Variants in NKAIN2 observed in about 807,000 individuals in gnomAD.
NKAIN2 encodes the protein sodium/potassium-transporting ATPase subunit beta-1-interacting protein 2.
In NKAIN2, 14 loss-of-function variants were observed where a neutral mutation model predicts 32.6. The observed-to-expected ratio is 0.43, with a 90% CI of 0.28 to 0.67. NKAIN2 has a LOEUF of 0.67. Ranked by LOEUF, NKAIN2 falls within the 30% of genes least tolerant of loss-of-function variation. The pLI, the probability that NKAIN2 is intolerant of heterozygous loss-of-function variation, is 0.17. For synonymous variants in NKAIN2, 80 were observed against 87.2 expected, an observed-to-expected ratio of 0.92 and a Z score of 0.46; for missense variants, 198 against 258.3, an observed-to-expected ratio of 0.77 and a Z score of 1.60.
chr6:124,261,757 G>A (rs1360900437), intron 1 of NKAIN2, among the ~76,000 whole-genome samples: 1 of 151,948 alleles, frequency 6.6e-6, no homozygotes, highest in Non-Finnish European at 1.5e-5. Context: ...CTACTCGGGA[G>A]GCTGAGGCAG....
At chr6:124,433,909 G>T (rs957981153) in intron 3 of NKAIN2, among the ~76,000 whole-genome samples, 1 of 152,130 alleles carries the variant, frequency 6.6e-6, no homozygotes, top group South Asian at 2.1e-4. Context: ...CCGGCTGGTG[G>T]TATATTCCTC....
chr6:124,309,686 C>A (rs1410609404), intron 2 of NKAIN2, among the ~76,000 whole-genome samples: 1 of 152,100 alleles, frequency 6.6e-6, no homozygotes, highest in African/African-American at 2.4e-5. Context: ...TTTGTCATCT[C>A]AATTGTAAGT....
intron 2 of NKAIN2, among the ~76,000 whole-genome samples, chr6:124,333,736 A>G (rs1189771428): frequency 1.3e-5 from 2 of 152,168 alleles, no homozygotes; most frequent in African/African-American, 4.8e-5. Flanking sequence ...ATTTTCAAGA[A>G]CACACTTTGT....
intron 1 of NKAIN2, among the ~76,000 whole-genome samples, chr6:124,073,810 C>A (rs1022031448): frequency 6.6e-6 from 1 of 152,076 alleles, no homozygotes; most frequent in African/African-American, 2.4e-5. Flanking sequence ...TGCTCCCCCA[C>A]CCCCACCGGG....
At chr6:124,182,856 A>G (rs981597493) in intron 1 of NKAIN2, among the ~76,000 whole-genome samples, 1 of 152,186 alleles carries the variant, frequency 6.6e-6, no homozygotes, top group African/African-American at 2.4e-5. Context: ...ATAGGCAAAC[A>G]TACAGATGAG....
chr6:124,460,002 T>C (rs1469641411), intron 3 of NKAIN2, among the ~76,000 whole-genome samples: 1 of 151,726 alleles, frequency 6.6e-6, no homozygotes, highest in African/African-American at 2.4e-5. Context: ...TAATTCTCTT[T>C]ACTGTTTCAG....
intron 1 of NKAIN2, among the ~76,000 whole-genome samples, chr6:123,899,103 C>T (rs1774433291): frequency 6.6e-6 from 1 of 152,210 alleles, no homozygotes; most frequent in South Asian, 2.1e-4. Flanking sequence ...ATGAATAAAT[C>T]TGTATCTGTA....
chr6:124,462,838 A>G (rs1486240471), intron 3 of NKAIN2, among the ~76,000 whole-genome samples: 1 of 152,032 alleles, frequency 6.6e-6, no homozygotes. Context: ...CTGTATTATG[A>G]CTTGCAGGGA....
intron 1 of NKAIN2, among the ~76,000 whole-genome samples, chr6:123,960,405 A>G (rs960074869): frequency 2.0e-5 from 3 of 152,112 alleles, no homozygotes; most frequent in African/African-American, 7.2e-5. Flanking sequence ...GGATGTACTC[A>G]GTGTCTACAC....
intron 3 of NKAIN2, among the ~76,000 whole-genome samples, chr6:124,535,989 G>A (rs911681139): frequency 6.6e-6 from 1 of 152,166 alleles, no homozygotes; most frequent in Non-Finnish European, 1.5e-5. Flanking sequence ...ATCTGCTGCC[G>A]ATGGGCAGCT....
chr6:124,630,427 C>G (rs1446953041), intron 3 of NKAIN2, among the ~76,000 whole-genome samples: 1 of 152,098 alleles, frequency 6.6e-6, no homozygotes, highest in Non-Finnish European at 1.5e-5. Flanking sequence ...TACTCAATTA[C>G]TTGGAAAAGG....
At chr6:124,417,579 T>C (rs1472362375) in intron 3 of NKAIN2, among the ~76,000 whole-genome samples, 1 of 152,234 alleles carries the variant, frequency 6.6e-6, no homozygotes, top group Non-Finnish European at 1.5e-5. Context: ...CTAAAAATAG[T>C]ATACGTGTTG....
chr6:123,853,503 C>T (rs1174332321), intron 1 of NKAIN2, among the ~76,000 whole-genome samples: 1 of 152,070 alleles, frequency 6.6e-6, no homozygotes, highest in African/African-American at 2.4e-5. Context: ...TTAGTTATTG[C>T]ATTATCAGAT....
At chr6:123,969,054 G>A (rs1213159385) in intron 1 of NKAIN2, among the ~76,000 whole-genome samples, 1 of 151,948 alleles carries the variant, frequency 6.6e-6, no homozygotes, top group Non-Finnish European at 1.5e-5. Context: ...TTGAATATAA[G>A]TTGCCTTTAC....
intron 4 of NKAIN2, among the ~76,000 whole-genome samples, chr6:124,758,717 T>C (rs1778080102): frequency 6.6e-6 from 1 of 152,154 alleles, no homozygotes; most frequent in Non-Finnish European, 1.5e-5. Flanking sequence ...GTGATTTTTC[T>C]CTTTTCTAAA....
At chr6:124,651,455 GCCCCA>G (rs1241043359) in intron 3 of NKAIN2, among the ~76,000 whole-genome samples, 1 of 152,138 alleles carries the variant, frequency 6.6e-6, no homozygotes, top group Non-Finnish European at 1.5e-5. Flanking sequence ...TTCTGCCTGG[GCCCCA>G]GGCTGCCTAA....
chr6:124,463,263 G>A (rs1374385986), intron 3 of NKAIN2, among the ~76,000 whole-genome samples: 3 of 151,860 alleles, frequency 2.0e-5, no homozygotes, highest in Non-Finnish European at 1.5e-5. Flanking sequence ...TAATAAAAGA[G>A]AACATTTAAT....
At chr6:124,170,895 A>C (rs1374481884) in intron 1 of NKAIN2, among the ~76,000 whole-genome samples, 2 of 152,120 alleles carry the variant, frequency 1.3e-5, no homozygotes, top group South Asian at 2.1e-4. Context: ...CATTTGACTC[A>C]TTAGTTCTTT....
intron 1 of NKAIN2, among the ~76,000 whole-genome samples, chr6:124,016,103 A>ATC (rs1780561149): frequency 1.3e-5 from 2 of 152,168 alleles, no homozygotes; most frequent in Non-Finnish European, 2.9e-5. Flanking sequence ...GATTTGGGGA[A>ATC]TATTACTTAC....
Sources: gnomAD v4.1 joint callset for allele counts (sites outside exome capture counted in the v4.1 genomes callset) on GRCh38, gnomAD v4.1.1 for gene constraint, MANE v1.5 for transcripts, NCBI Gene and HGNC (gene_info 2026-07-23, HGNC 2026-07-21) for gene names.